RBM34: variants seen among roughly 807,000 people sequenced by gnomAD.
The protein encoded by RBM34 is RNA binding motif protein 34.
A neutral mutation model predicts 44.6 loss-of-function variants in RBM34; 39 were observed. The observed-to-expected ratio is 0.87, with a 90% confidence interval of 0.68 to 1.14. RBM34 has a LOEUF of 1.14. Ranked by LOEUF, RBM34 falls within the 50% of genes most tolerant of loss-of-function variation. RBM34 has a pLI of 0.00. For synonymous variants in RBM34, 194 were observed against 184.0 expected (o/e 1.05, Z -0.44); for missense variants, 572 against 517.9 (o/e 1.10, Z -1.01).
At chr1:235,136,392 G>A (rs1661434654) in intron 8 of RBM34, among the ~76,000 whole-genome samples, 1 of 152,206 alleles carries the variant, frequency 6.6e-6, no homozygotes, top group South Asian at 2.1e-4. Context: ...GGCAGGCCAT[G>A]TGGAATCTGC....
At chr1:235,143,417 G>A (rs148213325) in intron 6 of RBM34, among the ~76,000 whole-genome samples, 6 of 152,302 alleles carry the variant, frequency 3.9e-5, no homozygotes, top group Non-Finnish European at 5.9e-5. Flanking sequence ...ATAGCCAAAG[G>A]CTGAAATAAC....
intron 8 of RBM34, among the ~76,000 whole-genome samples, chr1:235,136,961 T>A (rs775323629): frequency 2.0e-5 from 3 of 152,212 alleles, no homozygotes; most frequent in Non-Finnish European, 4.4e-5. Flanking sequence ...TACAACACTT[T>A]TGGTCTACAT....
chr1:235,155,044 T>C lies in RBM34; in HGVS notation c.434A>G (p.Asn145Ser). 2 of 1,614,088 alleles carry C rather than the reference T, an allele frequency of 1.2e-6. No individual in the cohort carries two copies. Among genetic ancestry groups the C allele is most frequent in the Non-Finnish European group, 1.7e-6 (2 of 1,180,020 alleles). Residue 145 changes from asparagine (N) to serine (S), a missense_variant, in exon 4 of 11, where the codon AAT becomes AGT. Transcript: ENST00000408888. Reference protein sequence around the residue: ...IHQKQGQKRKNSQPGVKVADR... With the variant: ...IHQKQGQKRKSSQPGVKVADR... ...TGCTACTTTAACACCAGGTTGAGAA[T>C]TTTTCCTTTTCTGCCCTTGTTTCTG...
chr1:235,150,637 T>C (rs1386903867), intron 5 of RBM34, among the ~76,000 whole-genome samples: 3 of 152,068 alleles, frequency 2.0e-5, no homozygotes, highest in Admixed American at 2.0e-4. Context: ...AGGGCCACAC[T>C]GGAGAACTGC....
intron 3 of RBM34, among the ~76,000 whole-genome samples, chr1:235,159,213 A>C (rs559184675): frequency 2.7e-3 from 357 of 134,496 alleles, no homozygotes; most frequent in Admixed American, 5.9e-3. Flanking sequence ...ACCTTGTCTC[A>C]AAAAAAAAAA....
At chr1:235,132,110 C>T in intron 10 of RBM34, 113 bp from the exon 11 acceptor site, 2 of 932,490 alleles carry the variant, frequency 2.1e-6, no homozygotes, top group South Asian at 1.8e-5. Context: ...ACAGATAAGC[C>T]CCATCCAATC....
intron 6 of RBM34, among the ~76,000 whole-genome samples, chr1:235,147,304 G>A (rs941863715): frequency 2.0e-5 from 3 of 152,196 alleles, no homozygotes; most frequent in Admixed American, 1.3e-4. Context: ...ACGGTATGGT[G>A]TGAAAATTCC....
chr1:235,159,599 G>A (rs1461091535), intron 3 of RBM34, among the ~76,000 whole-genome samples: 2 of 151,012 alleles, frequency 1.3e-5, no homozygotes, highest in African/African-American at 4.9e-5. Context: ...GCCAGGTGCA[G>A]TGGCTCATGC....
intron 10 of RBM34, among the ~76,000 whole-genome samples, chr1:235,132,237 G>A (rs1408505897): frequency 6.6e-6 from 1 of 152,040 alleles, no homozygotes; most frequent in Non-Finnish European, 1.5e-5. Context: ...CAATGCTACA[G>A]GCTTCGTGGT....
chr1:235,138,942 A>C (rs565427802), intron 6 of RBM34, among the ~76,000 whole-genome samples: 5 of 152,274 alleles, frequency 3.3e-5, no homozygotes, highest in African/African-American at 1.2e-4. Flanking sequence ...TATTTCTTGT[A>C]AACTGGCAGC....
At chr1:235,160,275 AG>A (rs1255233059) in intron 3 of RBM34, 2 of 657,936 alleles carry the variant, frequency 3.0e-6, no homozygotes, top group Non-Finnish European at 5.6e-6. Flanking sequence ...ACAAATAATG[AG>A]GGGGTATATG....
chr1:235,144,768 C>T (rs1367185129), intron 6 of RBM34, among the ~76,000 whole-genome samples: 1 of 152,038 alleles, frequency 6.6e-6, no homozygotes, highest in African/African-American at 2.4e-5. Context: ...TAAGGCCCAG[C>T]GCGGTGGCTC....
At position 235,152,778 on chromosome 1, in the gene RBM34, A is replaced by C; in HGVS notation, c.598-13T>G. On this transcript the variant is annotated splice_polypyrimidine_tract_variant and intron_variant, in intron 4 of 10. Coordinates refer to ENST00000408888, the MANE Select transcript of RBM34 (RefSeq NM_015014.4). ...ACGACTTCAGCTTCTAAAATTAAAAAAAAAAATACACATTAGCTGACCTTC... is the reference window on the plus strand; with the variant it reads ...ACGACTTCAGCTTCTAAAATTAAAACAAAAAATACACATTAGCTGACCTTC... 2.6e-6 allele frequency: 4 copies of C among 1,546,018 alleles called. No individual in the cohort carries two copies. Among genetic ancestry groups the C allele is most frequent in the Non-Finnish European group, 3.5e-6 (4 of 1,140,456 alleles).
intron 6 of RBM34, among the ~76,000 whole-genome samples, chr1:235,138,716 A>T (rs557642267): frequency 6.6e-6 from 1 of 152,148 alleles, no homozygotes; most frequent in African/African-American, 2.4e-5. Flanking sequence ...TTCCCTGCAC[A>T]TCTTTGTGGT....
chr1:235,136,080 C>T lies in RBM34; in HGVS notation c.850-7G>A. On this transcript the variant is annotated splice_polypyrimidine_tract_variant and splice_region_variant and intron_variant, in intron 8 of 10. Coordinates refer to ENST00000408888, the MANE Select transcript of RBM34 (RefSeq NM_015014.4). ...AAACCGATCTCTTGTCTCTCTGAAA[C>T]AAAAAGACAGTTAATAAAAATCACT... 1.3e-6 allele frequency: 2 copies of T among 1,596,554 alleles called. No individual in the cohort carries two copies. The highest frequency in any genetic ancestry group is 1.7e-6 in the Non-Finnish European group (2 of 1,167,358).
At chr1:235,136,751 T>C (rs1661448441) in intron 8 of RBM34, among the ~76,000 whole-genome samples, 1 of 152,230 alleles carries the variant, frequency 6.6e-6, no homozygotes, top group Non-Finnish European at 1.5e-5. Flanking sequence ...GAATAGCTCC[T>C]GAACAAAATC....
intron 10 of RBM34, among the ~76,000 whole-genome samples, chr1:235,132,727 A>G (rs1661269139): frequency 6.6e-6 from 1 of 152,098 alleles, no homozygotes; most frequent in African/African-American, 2.4e-5. Flanking sequence ...TGGACTAGAC[A>G]CCCTCTAGGG....
chr1:235,131,832 T>C lies in RBM34; in HGVS notation c.1174A>G (p.Lys392Glu). The change falls in exon 11 of 11, where the codon AAA becomes GAA. Residue 392 changes from lysine (K) to glutamate (E), a missense_variant. Lys to Glu is a moderately conservative substitution (Grantham distance 56). Coordinates refer to ENST00000408888, the MANE Select transcript of RBM34 (RefSeq NM_015014.4). Reference protein sequence around the residue: ...KPKQGLNFTSKTAEGHPKSLF... With the variant: ...KPKQGLNFTSETAEGHPKSLF... ...CTTTTAGGATGTCCTTCTGCAGTTT[T>C]GGAAGTAAAATTAAGTCCCTGCTTA... is the stretch of plus-strand genomic sequence containing the variant. 6.2e-7 allele frequency: 1 copy of C among 1,614,216 alleles called. No homozygotes were observed. Among genetic ancestry groups the C allele is most frequent in the Non-Finnish European group, 8.5e-7 (1 of 1,180,020 alleles).
At chr1:235,137,540 ATTT>A (rs558945575) in intron 8 of RBM34, among the ~76,000 whole-genome samples, 19 of 140,762 alleles carry the variant, frequency 1.3e-4, no homozygotes, top group Non-Finnish European at 1.9e-4. Context: ...CACTTGACTA[ATTT>A]TTTTTTTTTT....
Sources: gnomAD v4.1 joint callset for allele counts (sites outside exome capture counted in the v4.1 genomes callset) on GRCh38, gnomAD v4.1.1 for gene constraint, MANE v1.5 for transcripts, NCBI Gene and HGNC (gene_info 2026-07-23, HGNC 2026-07-21) for gene names.